Variants in ADAMTSL1 observed in about 807,000 individuals in gnomAD.
ADAMTSL1 encodes the protein ADAMTS like 1.
Under a neutral mutation model 201.8 loss-of-function variants are expected in ADAMTSL1, and 126 were observed. That is an observed-to-expected ratio of 0.62 (90% CI 0.54 to 0.72). ADAMTSL1 has a LOEUF of 0.72. Ranked by LOEUF, ADAMTSL1 falls within the 30% of genes least tolerant of loss-of-function variation. ADAMTSL1 has a pLI of 0.00. For synonymous variants in ADAMTSL1, 1,121 were observed against 903.4 expected (o/e 1.24, Z -4.32); for missense variants, 2,679 against 2,277.8 (o/e 1.18, Z -3.59).
At chr9:18,422,070 A>G (rs888454283) in intron 2 of ADAMTSL1, among the ~76,000 whole-genome samples, 4 of 152,186 alleles carry the variant, frequency 2.6e-5, no homozygotes, top group African/African-American at 9.6e-5. Context: ...ACTACCTCTT[A>G]TAACTGCATC....
chr9:18,552,263 G>C (rs1820836012), intron 3 of ADAMTSL1, among the ~76,000 whole-genome samples: 1 of 151,768 alleles, frequency 6.6e-6, no homozygotes, highest in South Asian at 2.1e-4. Flanking sequence ...GCATCCCGCA[G>C]TGTGATAAAA....
chr9:18,873,494 T>A (rs773325959), intron 23 of ADAMTSL1, among the ~76,000 whole-genome samples: 2 of 152,174 alleles, frequency 1.3e-5, no homozygotes, highest in Non-Finnish European at 2.9e-5. Context: ...GAGATGAGGA[T>A]CCAGTTTCAT....
intron 16 of ADAMTSL1, among the ~76,000 whole-genome samples, chr9:18,758,237 C>G (rs1819881622): frequency 6.6e-6 from 1 of 152,204 alleles, no homozygotes; most frequent in Non-Finnish European, 1.5e-5. Flanking sequence ...CCCAAGACTT[C>G]TTTACTATCT....
chr9:18,517,882 T>C (rs1378121880), intron 2 of ADAMTSL1, among the ~76,000 whole-genome samples: 1 of 152,222 alleles, frequency 6.6e-6, no homozygotes, highest in Non-Finnish European at 1.5e-5. Context: ...TTAATCAGGT[T>C]TCTTGTAGAA....
chr9:18,310,989 T>C (rs1401278780), intron 2 of ADAMTSL1, among the ~76,000 whole-genome samples: 1 of 151,914 alleles, frequency 6.6e-6, no homozygotes, highest in Non-Finnish European at 1.5e-5. Context: ...ATTAAGAAAA[T>C]GTGGCACATA....
At chr9:18,634,260 T>TA (rs199977156) in intron 5 of ADAMTSL1, among the ~76,000 whole-genome samples, 270 of 151,128 alleles carry the variant, frequency 1.8e-3, no homozygotes, top group African/African-American at 6.2e-3. Context: ...TGTACACTGT[T>TA]AAAAAAAAAT....
intron 1 of ADAMTSL1, among the ~76,000 whole-genome samples, chr9:17,962,664 G>A (rs1016741476): frequency 3.3e-5 from 5 of 152,170 alleles, no homozygotes; most frequent in African/African-American, 1.2e-4. Context: ...AAGCTTCTTT[G>A]TGGAAATTCA....
At chr9:18,639,969 T>A (rs1827342782) in intron 7 of ADAMTSL1, among the ~76,000 whole-genome samples, 1 of 152,106 alleles carries the variant, frequency 6.6e-6, no homozygotes. Context: ...CTTTTGGGAA[T>A]CACAATAAAA....
chr9:18,620,459 C>T (rs1326831934), intron 4 of ADAMTSL1, among the ~76,000 whole-genome samples: 2 of 152,128 alleles, frequency 1.3e-5, no homozygotes, highest in Admixed American at 6.6e-5. Context: ...TAAATGAATT[C>T]TTTTATAAAT....
rs554896328 is a variant in ADAMTSL1 at position 18,359,557 on chromosome 9, A to G, written c.208-145272A>G. ...TGAATCAAGGTCCTTGCCAGTGTTC[A>G]TAGCTTCCCATTCGGATATGACTCT... On this transcript the variant is annotated intron_variant, in intron 2 of 29. Transcript: ENST00000680146. 4.5e-4 allele frequency among the ~76,000 whole-genome samples: 68 copies of G among 152,314 alleles called. No homozygotes were observed. The South Asian group carries it at 0.013, about 28-fold the overall frequency.
At chr9:18,466,945 C>T (rs10756967) in intron 2 of ADAMTSL1, among the ~76,000 whole-genome samples, 86,707 of 151,908 alleles carry the variant, frequency 0.57, 24,892 homozygotes, top group Non-Finnish European at 0.6. Context: ...TATGTTTTCC[C>T]TGGTTTTCAG....
At chr9:18,348,347 C>T (rs1445995861) in intron 2 of ADAMTSL1, among the ~76,000 whole-genome samples, 1 of 152,042 alleles carries the variant, frequency 6.6e-6, no homozygotes, top group African/African-American at 2.4e-5. Flanking sequence ...CCATCACTTC[C>T]ACTACTGCTG....
At chr9:18,684,575 C>A in intron 12 of ADAMTSL1, 141 bp from the exon 13 acceptor site, 3 of 828,578 alleles carry the variant, frequency 3.6e-6, no homozygotes, top group South Asian at 2.6e-5. Flanking sequence ...ATATAACCAT[C>A]ATCAGAGGCA....
intron 2 of ADAMTSL1, among the ~76,000 whole-genome samples, chr9:18,413,296 C>G (rs1818530887): frequency 6.6e-6 from 1 of 151,958 alleles, no homozygotes; most frequent in Non-Finnish European, 1.5e-5. Context: ...TCCTGAGTAG[C>G]TAGGATTACA....
chr9:18,753,152 T>C (rs1274867083), intron 15 of ADAMTSL1, 146 bp from the exon 16 acceptor site: 4 of 749,178 alleles, frequency 5.3e-6, no homozygotes, highest in Non-Finnish European at 9.4e-6. Flanking sequence ...GGATAGATTC[T>C]AGGCTTAAGA....
chr9:17,993,845 G>T (rs573565257), intron 1 of ADAMTSL1, among the ~76,000 whole-genome samples: 1 of 152,028 alleles, frequency 6.6e-6, no homozygotes, highest in Admixed American at 6.6e-5. Context: ...ATCTCTTGTG[G>T]GATTTGGATT....
intron 2 of ADAMTSL1, among the ~76,000 whole-genome samples, chr9:18,506,261 C>G (rs1817647182): frequency 6.6e-6 from 1 of 152,176 alleles, no homozygotes; most frequent in Admixed American, 6.5e-5. Context: ...ACAAAACTTC[C>G]AAAATCTGCA....
intron 1 of ADAMTSL1, among the ~76,000 whole-genome samples, chr9:18,036,110 T>G (rs1198964484): frequency 6.6e-6 from 1 of 151,956 alleles, no homozygotes; most frequent in Non-Finnish European, 1.5e-5. Flanking sequence ...AGCTGAGACT[T>G]GAGGATGGTT....
intron 5 of ADAMTSL1, among the ~76,000 whole-genome samples, chr9:18,632,468 G>T (rs1826841998): frequency 6.6e-6 from 1 of 152,170 alleles, no homozygotes; most frequent in Admixed American, 6.6e-5. Context: ...TAAATAGAGT[G>T]AAATGGGTTT....
Sources: gnomAD v4.1 joint callset for allele counts (sites outside exome capture counted in the v4.1 genomes callset) on GRCh38, gnomAD v4.1.1 for gene constraint, MANE v1.5 for transcripts, NCBI Gene and HGNC (gene_info 2026-07-23, HGNC 2026-07-21) for gene names.